PXN: variants seen among roughly 807,000 people sequenced by gnomAD.
PXN encodes the protein testicular tissue protein Li 134.
Under a neutral mutation model 103.6 loss-of-function variants are expected in PXN, and 61 were observed. That is an observed-to-expected ratio of 0.59 (90% confidence interval 0.48 to 0.73). The LOEUF (loss-of-function observed/expected upper bound fraction) is 0.73, where lower values mean the gene tolerates loss of function less well. Among genes scored for constraint, PXN ranks in the 30% least tolerant of loss-of-function variants. PXN has a pLI of 0.00. For synonymous variants in PXN, 562 were observed against 607.8 expected (o/e 0.92, Z 1.11); for missense variants, 1,274 against 1,460.3 (o/e 0.87, Z 2.08).
At chr12:120,227,090 A>G in intron 1 of PXN, 1 of 986,204 alleles carries the variant, frequency 1.0e-6, no homozygotes, top group Non-Finnish European at 1.2e-6. Context: ...TTCTGGGTAG[A>G]ATATGAGCAA....
chr12:120,231,447 C>T (rs771769985), intron 1 of PXN, among the ~76,000 whole-genome samples: 1 of 152,202 alleles, frequency 6.6e-6, no homozygotes, highest in Non-Finnish European at 1.5e-5. Context: ...TGACTCATGC[C>T]TCACTCAACA....
chr12:120,216,603 G>T lies in PXN; in HGVS notation c.1993-22C>A. ...CAACCTGGGGAGAAGAAAGGAGGGA[G>T]AGCGATGAGGAAGAAATCGCCAGCT... On this transcript the variant is annotated intron_variant, in intron 8 of 14. Transcript: ENST00000637617. This position sits in a 1 kb window ranked among gnomAD's most constrained non-coding sequence, Gnocchi z 5.1. The T allele has an allele frequency of 6.7e-7, 1 of 1,481,700 alleles. No individual in the cohort carries two copies. The highest frequency in any genetic ancestry group is 1.3e-5 in the South Asian group (1 of 76,726). The allele number at this position is 1,481,700 out of a possible 1,614,324, so 91.8% of individuals were successfully genotyped here. A position where few individuals can be genotyped will look rare whatever the true frequency, so the allele number is the denominator to read the frequency against.
At chr12:120,257,282 C>A (rs1395679912) in intron 1 of PXN, among the ~76,000 whole-genome samples, 2 of 152,194 alleles carry the variant, frequency 1.3e-5, no homozygotes, top group African/African-American at 4.8e-5. Context: ...CATTCCATTT[C>A]ATTAAAACAA....
chr12:120,218,889 A>T lies in PXN; in HGVS notation c.1716+318T>A, dbSNP rs573449347. On this transcript the variant is annotated intron_variant, in intron 7 of 14. Coordinates refer to ENST00000637617, the MANE Select transcript of PXN (RefSeq NM_001385981.1). The stretch of plus-strand genomic sequence containing the variant: ...CAAGGTCACAGAGGTAGCAAGTGTT[A>T]GACATGTGGTTTGTATCTAGGTCTA... Among the ~76,000 whole-genome samples the T allele has an allele frequency of 2.0e-5, 3 of 152,340 alleles. No individual in the cohort carries two copies. In the South Asian group the frequency reaches 6.2e-4, roughly 32 times the overall value.
At chr12:120,239,970 T>C (rs894944292) in intron 1 of PXN, among the ~76,000 whole-genome samples, 3 of 150,718 alleles carry the variant, frequency 2.0e-5, no homozygotes, top group African/African-American at 7.3e-5. Flanking sequence ...TCACATGACC[T>C]GCCTGGCCTC....
rs1566376138 is a variant in PXN at position 120,219,966 on chromosome 12, G to A, written c.957C>T (p.Pro319=). The A allele has an allele frequency of 1.9e-6, 3 of 1,595,078 alleles. No individual in the cohort carries two copies. Among genetic ancestry groups the A allele is most frequent in the Non-Finnish European group, 2.5e-6 (3 of 1,176,880 alleles). Residue 319 remains proline (P), a synonymous_variant, in exon 7 of 15, where the codon CCC becomes CCT. Coordinates refer to ENST00000637617, the MANE Select transcript of PXN (RefSeq NM_001385981.1). The surrounding 1 kb of genome is among the most constrained non-coding windows in gnomAD (Gnocchi z 6.5). ...GAGTGTGGCCCTGGCCTCGAGGGGA[G>A]GGTATAGTGGTGGGTGGCAGAAATA... The part of the protein sequence containing the change: ...PSVFLPPTTI[P]SPRGQGHTPE...
At position 120,219,369 on chromosome 12, in the gene PXN, C is replaced by A; in HGVS notation, c.1554G>T (p.Glu518Asp). Reference sequence around the variant, plus strand: ...GGGTTGGCCTGGCCACACTTCCCCTCTCGGTCATCTTTGCACCTAGCTGCT... The same window carrying A: ...GGGTTGGCCTGGCCACACTTCCCCTATCGGTCATCTTTGCACCTAGCTGCT... ...TTEQLGAKMT[E>D]RGSVARPTQG... The change falls in exon 7 of 15, where the codon GAG becomes GAT. Residue 518 changes from glutamate (E) to aspartate (D), a missense_variant. Glu to Asp is a conservative substitution (Grantham distance 45). This residue lies in a region of PXN where 1,178 missense variants were observed against 1,309.0 expected (regional missense o/e 0.90). Transcript: ENST00000637617. This position sits in a 1 kb window ranked among gnomAD's most constrained non-coding sequence, Gnocchi z 6.5. 6.3e-7 allele frequency: 1 copy of A among 1,598,462 alleles called. No individual in the cohort carries two copies. The highest frequency in any genetic ancestry group is 8.5e-7 in the Non-Finnish European group (1 of 1,179,810).
chr12:120,211,615 G>A lies in PXN; in HGVS notation c.*699C>T, dbSNP rs1276516792. On this transcript the variant is annotated 3_prime_UTR_variant, in exon 15 of 15. Coordinates refer to ENST00000637617, the MANE Select transcript of PXN (RefSeq NM_001385981.1). Reference sequence around the variant, plus strand: ...CTCAGTGTAGAAATCTATCAAAGTCGGTACAGTGTCCAGGCACGCCGTCCC... The same window carrying A: ...CTCAGTGTAGAAATCTATCAAAGTCAGTACAGTGTCCAGGCACGCCGTCCC... 4 of 255,720 alleles carry A rather than the reference G, an allele frequency of 1.6e-5. No homozygotes were observed. In the South Asian group the frequency reaches 1.8e-4, roughly 12 times the overall value. 15.8% of individuals were successfully genotyped at this position (255,720 alleles called of 1,614,324 possible).
chr12:120,256,650 T>G (rs1893058810), intron 1 of PXN, among the ~76,000 whole-genome samples: 1 of 152,032 alleles, frequency 6.6e-6, no homozygotes, highest in Admixed American at 6.6e-5. Flanking sequence ...CCTCACTCAG[T>G]CTCCCAACAA....
At position 120,216,746 on chromosome 12, in the gene PXN, G is replaced by C. The variant is rs752422334; in HGVS notation, c.1992+95C>G. On this transcript the variant is annotated intron_variant, in intron 8 of 14. Coordinates refer to ENST00000637617, the MANE Select transcript of PXN (RefSeq NM_001385981.1). This position sits in a 1 kb window ranked among gnomAD's most constrained non-coding sequence, Gnocchi z 5.1. ...GCAAGAAACCCCCACCCTCTCCCCAGATCTCCCCTCCGGCCAGCACTGGGG... is the reference window on the plus strand; with the variant it reads ...GCAAGAAACCCCCACCCTCTCCCCACATCTCCCCTCCGGCCAGCACTGGGG... 1.9e-6 allele frequency: 3 copies of C among 1,594,722 alleles called. No individual in the cohort carries two copies. Among genetic ancestry groups the C allele is most frequent in the Middle Eastern group, 1.7e-4 (1 of 6,050 alleles).
At chr12:120,248,640 G>A (rs1396888847) in intron 1 of PXN, 1 of 152,040 alleles carries the variant, frequency 6.6e-6, no homozygotes, top group Non-Finnish European at 1.5e-5. Context: ...GTCAGCAAAG[G>A]GCTGTATGCG....
chr12:120,234,923 G>A (rs972081377), intron 1 of PXN, among the ~76,000 whole-genome samples: 29 of 152,164 alleles, frequency 1.9e-4, no homozygotes, highest in African/African-American at 6.8e-4. Flanking sequence ...CAGGGATCCT[G>A]GGAGCTGTGA....
In PXN at chr12:120,228,462, T is replaced by C. The variant is rs974365932; in HGVS notation, c.14-4085A>G. On this transcript the variant is annotated intron_variant, in intron 1 of 14. Coordinates refer to ENST00000637617, the MANE Select transcript of PXN (RefSeq NM_001385981.1). The surrounding 1 kb of genome is among the most constrained non-coding windows in gnomAD (Gnocchi z 4.7). ...GCCATGGGCAAAGGCCACGGAGCTA[T>C]GTCCTGGCTCCGCCCTGGTGAGGAA... Among the ~76,000 whole-genome samples, 15 of 152,240 alleles carry C rather than the reference T, an allele frequency of 9.9e-5. 1 individual carries two copies.
intron 1 of PXN, chr12:120,247,784 C>T (rs1416880507): frequency 2.0e-5 from 3 of 152,818 alleles, no homozygotes; most frequent in Non-Finnish European, 4.4e-5. Context: ...AAAGTCACCA[C>T]TGCAGATGTT....
Position 120,213,283 on chromosome 12 carries a change from G to C in PXN, c.2979+559C>G, listed in dbSNP as rs914879268. 1 of 153,424 alleles carries C rather than the reference G, an allele frequency of 6.5e-6. No individual in the cohort carries two copies. The highest frequency in any genetic ancestry group is 1.5e-5 in the Non-Finnish European group (1 of 68,940). 9.5% of individuals were successfully genotyped at this position (153,424 alleles called of 1,614,324 possible). ...TAATCTCAGCTACTTGGGAGGCTGA[G>C]GCGGGAGAATCACTGGAACTCAGCA... On this transcript the variant is annotated intron_variant, in intron 14 of 14. Coordinates refer to ENST00000637617, the MANE Select transcript of PXN (RefSeq NM_001385981.1). The surrounding 1 kb of genome is among the most constrained non-coding windows in gnomAD (Gnocchi z 4.2).
Position 120,215,948 on chromosome 12 carries a change from G to A in PXN, c.2302-287C>T. 7.2e-7 allele frequency: 1 copy of A among 1,387,378 alleles called. No homozygotes were observed. The allele number at this position is 1,387,378 out of a possible 1,614,324, so 85.9% of individuals were successfully genotyped here. On this transcript the variant is annotated intron_variant, in intron 9 of 14. Coordinates refer to ENST00000637617, the MANE Select transcript of PXN (RefSeq NM_001385981.1). This position sits in a 1 kb window ranked among gnomAD's most constrained non-coding sequence, Gnocchi z 4.9. ...GCCTCACCGGGCGCTGGGCCTGGGG[G>A]CTGGAAGGGAGGAGACAGGTTTCTG...
rs1316097816 is a variant in PXN at position 120,228,218 on chromosome 12, TCTAC to T, written c.14-3845_14-3842del. ...AGGCCTCAAATTTCCTTGGCATTACTCTACTAAGTTTCCAGGTCCAGGCCTGGGG... is the reference window on the plus strand; with the variant it reads ...AGGCCTCAAATTTCCTTGGCATTACTTAAGTTTCCAGGTCCAGGCCTGGGG... On this transcript the variant is annotated intron_variant, in intron 1 of 14. Transcript: ENST00000637617. This position sits in a 1 kb window ranked among gnomAD's most constrained non-coding sequence, Gnocchi z 4.7. 1.3e-5 allele frequency among the ~76,000 whole-genome samples: 2 copies of T among 152,222 alleles called. No individual in the cohort carries two copies. Among genetic ancestry groups the T allele is most frequent in the African/African-American group, 4.8e-5 (2 of 41,458 alleles).
chr12:120,216,701 G>A lies in PXN; in HGVS notation c.1993-120C>T. 1.3e-6 allele frequency: 2 copies of A among 1,593,418 alleles called. No homozygotes were observed. Among genetic ancestry groups the A allele is most frequent in the Non-Finnish European group, 1.7e-6 (2 of 1,178,206 alleles). On this transcript the variant is annotated intron_variant, in intron 8 of 14. Coordinates refer to ENST00000637617, the MANE Select transcript of PXN (RefSeq NM_001385981.1). The surrounding 1 kb of genome is among the most constrained non-coding windows in gnomAD (Gnocchi z 5.1). ...CCACTCTGCACCAAGAGTGGGGCCAGTCTTCCAAAGTCACAGGAGGCAAGA... is the reference window on the plus strand; with the variant it reads ...CCACTCTGCACCAAGAGTGGGGCCAATCTTCCAAAGTCACAGGAGGCAAGA...
At chr12:120,252,253 C>T (rs918155424) in intron 1 of PXN, among the ~76,000 whole-genome samples, 3 of 152,158 alleles carry the variant, frequency 2.0e-5, no homozygotes, top group African/African-American at 7.2e-5. Flanking sequence ...GCAGAGAGAA[C>T]AGCACAGTGC....
Sources: allele counts gnomAD v4.1 joint callset (sites outside exome capture counted in the v4.1 genomes callset), GRCh38; gene constraint gnomAD v4.1.1; regional missense constraint gnomAD v4.1.1; non-coding constraint Gnocchi (gnomAD v3.1); transcripts MANE v1.5; gene names NCBI Gene and HGNC (gene_info 2026-07-23, HGNC 2026-07-21).